The following THAP12 variants were observed in gnomAD, a reference collection of about 807,000 sequenced individuals.
THAP12 encodes THAP domain containing 12.
THAP12 carries 20 observed loss-of-function variants against 63.0 expected under a neutral mutation model. The ratio of observed to expected loss-of-function variants is 0.32; its 90% confidence interval spans 0.22 to 0.46. The LOEUF is 0.46. Among genes scored for constraint, THAP12 ranks in the 20% least tolerant of loss-of-function variants. The pLI, the probability that THAP12 is intolerant of heterozygous loss-of-function variation, is 1.00. For missense variants in THAP12, 568 were observed against 908.2 expected (o/e 0.63, Z 4.81); for synonymous variants, 264 against 328.4 (o/e 0.80, Z 2.12).
intron 3 of THAP12, chr11:76,359,506 G>A (rs1946583518): frequency 6.6e-6 from 1 of 152,140 alleles, no homozygotes; most frequent in Non-Finnish European, 1.5e-5. Context: ...CCCAAAAGAA[G>A]TTCTAGGAGA....
Position 76,360,991 on chromosome 11 carries a change from G to T in THAP12, c.283C>A (p.Pro95Thr). The T allele has an allele frequency of 6.2e-7, 1 of 1,609,354 alleles. No individual in the cohort carries two copies. Among genetic ancestry groups the T allele is most frequent in the Non-Finnish European group, 8.5e-7 (1 of 1,177,574 alleles). ...IFDLTSHLNN[P>T]HSRHRKRIKE... Reference sequence around the variant, plus strand: ...ATTCGTTTTCTGTGTCTACTATGTGGGTTGTTCAAATGACTGGTAAGATCA... The same window carrying T: ...ATTCGTTTTCTGTGTCTACTATGTGTGTTGTTCAAATGACTGGTAAGATCA... Residue 95 changes from proline to threonine, a missense_variant, in exon 3 of 5, where the codon CCA (proline) becomes ACA (threonine). Pro to Thr is a conservative substitution (Grantham distance 38, BLOSUM62 -1). Transcript: ENST00000260045.
Position 76,351,191 on chromosome 11 carries a change from C to G in THAP12, c.1959G>C (p.Gly653=). 6.4e-7 allele frequency: 1 copy of G among 1,563,746 alleles called. No individual in the cohort carries two copies. Among genetic ancestry groups the G allele is most frequent in the Non-Finnish European group, 8.6e-7 (1 of 1,156,368 alleles). Residue 653 remains glycine, a synonymous_variant, in exon 5 of 5, where the codon GGG becomes GGC. Transcript: ENST00000260045. ...TGGTGGACGGAAGCTCTATATCTTT[C>G]CCCCTGTGTTTCCATTTGATTCTCC... The part of the protein sequence containing the change: ...HCWRIKWKHR[G]KDIELPSTIY...
At chr11:76,359,095 A>T (rs899537503) in intron 3 of THAP12, 4 of 152,196 alleles carry the variant, frequency 2.6e-5, no homozygotes, top group Non-Finnish European at 5.9e-5. Context: ...ACTTAAAAAG[A>T]AGTTCTTCAA....
intron 3 of THAP12, chr11:76,358,904 A>T (rs147512969): frequency 6.6e-6 from 1 of 152,290 alleles, no homozygotes; most frequent in East Asian, 1.9e-4. Context: ...CATTATACTT[A>T]ATGGGGCAAG....
intron 1 of THAP12, among the ~76,000 whole-genome samples, chr11:76,379,367 T>C (rs1946733317): frequency 6.6e-6 from 1 of 152,238 alleles, no homozygotes; most frequent in Non-Finnish European, 1.5e-5. Context: ...GTCTCTGCTC[T>C]AAACCCTTCA....
intron 1 of THAP12, among the ~76,000 whole-genome samples, chr11:76,377,562 C>T (rs1946719765): frequency 6.6e-6 from 1 of 152,240 alleles, no homozygotes; most frequent in Non-Finnish European, 1.5e-5. Flanking sequence ...TTCACCCATA[C>T]TGTAGTATGT....
Position 76,370,843 on chromosome 11 carries a change from A to AAAT in THAP12, c.90-4872_90-4871insATT, listed in dbSNP as rs1555025512. ...CTCAAAAAAAAAGAAAAAAAAAAAA[A>AAAT]ATATATATATATATGACCACAATAA... is the stretch of plus-strand genomic sequence containing the variant. On this transcript the variant is annotated intron_variant, in intron 1 of 4. Transcript: ENST00000260045. 2.4e-3 allele frequency among the ~76,000 whole-genome samples: 333 copies of AAAT among 141,536 alleles called. 1 individual carries two copies. The highest frequency in any genetic ancestry group is 7.2e-3 in the Middle Eastern group (2 of 278). 92.9% of individuals were successfully genotyped at this position (141,536 alleles called of 152,430 possible).
intron 1 of THAP12, 117 bp downstream of exon 1, chr11:76,380,631 G>GA: frequency 1.3e-6 from 1 of 761,528 alleles, no homozygotes; most frequent in Non-Finnish European, 1.8e-6. Context: ...ACGGCAGTGC[G>GA]CTGCGCCCGC....
At chr11:76,375,320 C>T (rs1946701747) in intron 1 of THAP12, among the ~76,000 whole-genome samples, 3 of 151,916 alleles carry the variant, frequency 2.0e-5, no homozygotes, top group African/African-American at 7.3e-5. Context: ...GGAAGAGCTC[C>T]ACTGTGAGCT....
chr11:76,354,574 T>C (rs1946547635), intron 4 of THAP12, among the ~76,000 whole-genome samples: 2 of 152,238 alleles, frequency 1.3e-5, no homozygotes, highest in Non-Finnish European at 2.9e-5. Flanking sequence ...CTTGAATCTA[T>C]TCCCTTTACT....
intron 1 of THAP12, among the ~76,000 whole-genome samples, chr11:76,372,512 C>T (rs1219623479): frequency 6.6e-6 from 1 of 150,972 alleles, no homozygotes; most frequent in Admixed American, 6.6e-5. Context: ...TGGGTTTAAG[C>T]CATCCTCCTG....
Position 76,352,136 on chromosome 11 carries a change from G to C in THAP12, c.1014C>G (p.Ser338=). The change falls in exon 5 of 5, where the codon TCC becomes TCG. Residue 338 remains serine, a synonymous_variant. Transcript: ENST00000260045. ...QAYIVSSGFS[S]KMKVVASRLL... ...GTCTAGAAGCAACAACTTTCATTTT[G>C]GAAGAAAATCCACTAGAGACAATGT... The C allele has an allele frequency of 6.2e-7, 1 of 1,611,870 alleles. No homozygotes were observed. Among genetic ancestry groups the C allele is most frequent in the Non-Finnish European group, 8.5e-7 (1 of 1,179,796 alleles).
At chr11:76,356,816 G>A (rs1946564380) in intron 3 of THAP12, 2 of 152,182 alleles carry the variant, frequency 1.3e-5, no homozygotes, top group South Asian at 2.1e-4. Flanking sequence ...GCTGAGGCGG[G>A]AGGATCACCT....
At chr11:76,367,163 G>A (rs538333551) in intron 1 of THAP12, among the ~76,000 whole-genome samples, 12 of 151,366 alleles carry the variant, frequency 7.9e-5, no homozygotes, top group African/African-American at 2.7e-4. Flanking sequence ...TGCAACCTCT[G>A]CTTCCCGGGT....
At chr11:76,363,139 T>C (rs1946608536) in intron 2 of THAP12, among the ~76,000 whole-genome samples, 1 of 151,902 alleles carries the variant, frequency 6.6e-6, no homozygotes, top group African/African-American at 2.4e-5. Flanking sequence ...TGAGACCCTA[T>C]TTCAAAAAAA....
intron 1 of THAP12, among the ~76,000 whole-genome samples, chr11:76,366,672 C>T (rs1318287064): frequency 6.6e-6 from 1 of 150,660 alleles, no homozygotes; most frequent in African/African-American, 2.4e-5. Flanking sequence ...CAGAGCCAGA[C>T]TCCGTCTCGG....
intron 1 of THAP12, among the ~76,000 whole-genome samples, chr11:76,377,940 T>C (rs931329090): frequency 1.3e-5 from 2 of 152,286 alleles, no homozygotes; most frequent in African/African-American, 4.8e-5. Context: ...TTTTTGTTGC[T>C]GAATTGTAAG....
At chr11:76,378,554 T>C (rs1946727009) in intron 1 of THAP12, among the ~76,000 whole-genome samples, 1 of 152,202 alleles carries the variant, frequency 6.6e-6, no homozygotes, top group Non-Finnish European at 1.5e-5. Flanking sequence ...GTATAGGCCA[T>C]TTGGAGTTCA....
intron 3 of THAP12, chr11:76,357,649 T>C (rs557747352): frequency 1.3e-5 from 2 of 152,236 alleles, no homozygotes; most frequent in African/African-American, 4.8e-5. Context: ...AGAATCAACA[T>C]CACATAGACT....
Sources: gnomAD v4.1 joint callset for allele counts (sites outside exome capture counted in the v4.1 genomes callset) on GRCh38, gnomAD v4.1.1 for gene constraint, MANE v1.5 for transcripts, NCBI Gene and HGNC (gene_info 2026-07-23, HGNC 2026-07-21) for gene names.